ABCG2: variants seen among roughly 807,000 people sequenced by gnomAD.
ABCG2 encodes the protein broad substrate specificity ATP-binding cassette transporter ABCG2.
In ABCG2, 80 loss-of-function variants were observed where a neutral mutation model predicts 73.5. That is an observed-to-expected ratio of 1.09 (90% CI 0.91 to 1.31). ABCG2 has a LOEUF of 1.31. Among genes scored for constraint, ABCG2 ranks in the 50% most tolerant of loss-of-function variants. The pLI, the probability that ABCG2 is intolerant of heterozygous loss-of-function variation, is 0.00. For synonymous variants in ABCG2, 269 were observed against 282.4 expected, an observed-to-expected ratio of 0.95 and a Z score of 0.48; for missense variants, 796 against 786.2, an observed-to-expected ratio of 1.01 and a Z score of -0.15.
At chr4:88,191,680 C>T (rs1728700653) in intron 1 of ABCG2, among the ~76,000 whole-genome samples, 2 of 152,200 alleles carry the variant, frequency 1.3e-5, no homozygotes, top group South Asian at 4.2e-4. Flanking sequence ...TAGCATTATC[C>T]ATGGCAGCTA....
At chr4:88,145,151 A>G (rs1420970218) in intron 1 of ABCG2, among the ~76,000 whole-genome samples, 1 of 152,146 alleles carries the variant, frequency 6.6e-6, no homozygotes, top group Non-Finnish European at 1.5e-5. Flanking sequence ...TCATAGCCAT[A>G]GGGCATGCTG....
At chr4:88,194,584 A>AAAAAAAAAT (rs1728862461) in intron 1 of ABCG2, among the ~76,000 whole-genome samples, 1 of 127,662 alleles carries the variant, frequency 7.8e-6, no homozygotes, top group Non-Finnish European at 1.6e-5. Flanking sequence ...AAAAAAAAAA[A>AAAAAAAAAT]GTGTGGGTGC....
intron 1 of ABCG2, among the ~76,000 whole-genome samples, chr4:88,196,128 TG>T (rs1279197897): frequency 1.3e-5 from 2 of 152,134 alleles, no homozygotes; most frequent in Non-Finnish European, 2.9e-5. Flanking sequence ...ATTCCTGGGT[TG>T]GGGGTCGGGG....
At chr4:88,115,234 C>CTCTCTCTCTCTCTCTG (rs1723464889) in intron 7 of ABCG2, among the ~76,000 whole-genome samples, 176 bp from the exon 8 acceptor site, 1 of 45,856 alleles carries the variant, frequency 2.2e-5, no homozygotes, top group Non-Finnish European at 4.7e-5. Context: ...TATATTCAGT[C>CTCTCTCTCTCTCTCTG]TCTCTCTCTC....
rs182494680 is a variant in ABCG2, at chr4:88,149,347, C to T, written c.-20+9039G>A. Among the ~76,000 whole-genome samples the T allele has an allele frequency of 5.3e-5, 8 of 152,290 alleles. No individual in the cohort carries two copies. In the South Asian group the frequency reaches 1.0e-3, roughly 20 times the overall value. On this transcript the variant is annotated intron_variant, in intron 1 of 15. Transcript: ENST00000237612. ...AATTAGACCAAGTGCAATTTACATG[C>T]GTGTTACATCCCAAATTTTCTTAAT...
intron 9 of ABCG2, among the ~76,000 whole-genome samples, chr4:88,110,438 G>A (rs1723059023): frequency 6.6e-6 from 1 of 152,062 alleles, no homozygotes. Context: ...AGCTACTCGG[G>A]AGGCTGAGGC....
chr4:88,131,465 T>A (rs1195391553), intron 4 of ABCG2, among the ~76,000 whole-genome samples: 1 of 152,196 alleles, frequency 6.6e-6, no homozygotes, highest in African/African-American at 2.4e-5. Context: ...CCAGCAGACA[T>A]TTCCAAACTG....
chr4:88,176,180 A>G (rs1187765111), intron 1 of ABCG2, among the ~76,000 whole-genome samples: 10 of 148,206 alleles, frequency 6.7e-5, no homozygotes, highest in African/African-American at 1.0e-4. Flanking sequence ...TTTTTTGTGG[A>G]GACAGGGTCT....
chr4:88,099,063 C>T (rs1722195511), intron 12 of ABCG2, among the ~76,000 whole-genome samples: 1 of 152,136 alleles, frequency 6.6e-6, no homozygotes, highest in South Asian at 2.1e-4. Context: ...CACTGCACTC[C>T]AGCCTGGGTG....
chr4:88,220,990 T>A (rs900414354), intron 1 of ABCG2, among the ~76,000 whole-genome samples: 2 of 152,184 alleles, frequency 1.3e-5, no homozygotes, highest in African/African-American at 4.8e-5. Context: ...AGTCTCTGGC[T>A]GGGTACAGTG....
chr4:88,151,865 G>T (rs1368883554), intron 1 of ABCG2, among the ~76,000 whole-genome samples: 1 of 152,150 alleles, frequency 6.6e-6, no homozygotes, highest in African/African-American at 2.4e-5. Context: ...GAAGGAGCAT[G>T]TAATGTGTGT....
In ABCG2 at chr4:88,115,033, G is replaced by T. The variant is rs774397302; in HGVS notation, c.867C>A (p.Asn289Lys). The T allele has an allele frequency of 3.1e-6, 5 of 1,612,540 alleles. No individual in the cohort carries two copies. The highest frequency in any genetic ancestry group is 4.2e-6 in the Non-Finnish European group (5 of 1,178,990). The stretch of plus-strand genomic sequence containing the variant: ...TGATGTCCAAGAAGAAGTCTGCAGG[G>T]TTATTATAGGCCTCACAGTGATAAC... ...SAGYHCEAYN[N>K]PADFFLDIIN... Residue 289 changes from asparagine to lysine, a missense_variant, in exon 8 of 16, where the codon AAC becomes AAA. By Grantham distance (94) the Asn-to-Lys change is moderately conservative. Coordinates refer to ENST00000237612, the MANE Select transcript of ABCG2 (RefSeq NM_004827.3).
intron 1 of ABCG2, among the ~76,000 whole-genome samples, chr4:88,146,855 C>T (rs2725248): frequency 6.7e-6 from 1 of 148,530 alleles, no homozygotes; most frequent in East Asian, 2.0e-4. Flanking sequence ...TAAGCAACAG[C>T]GTAACCCTGT....
chr4:88,129,216 A>G (rs1301060320), intron 5 of ABCG2, among the ~76,000 whole-genome samples: 1 of 152,134 alleles, frequency 6.6e-6, no homozygotes, highest in Non-Finnish European at 1.5e-5. Context: ...GGCTCCCCAA[A>G]TTGACCCCAT....
intron 6 of ABCG2, among the ~76,000 whole-genome samples, chr4:88,120,424 C>T (rs781227783): frequency 2.6e-5 from 4 of 152,186 alleles, no homozygotes; most frequent in Non-Finnish European, 2.9e-5. Context: ...CACAGACACT[C>T]AATACCAGCC....
chr4:88,092,017 A>G lies in ABCG2; in HGVS notation c.*217T>C, dbSNP rs45566442. The G allele has an allele frequency of 6.6e-4, 296 of 446,342 alleles. 1 individual carries two copies. Among genetic ancestry groups the G allele is most frequent in the African/African-American group, 5.6e-3 (279 of 50,142 alleles). The allele number at this position is 446,342 out of a possible 1,614,324, so 27.6% of individuals were successfully genotyped here. A position where few individuals can be genotyped will look rare whatever the true frequency, so the allele number is the denominator to read the frequency against. On this transcript the variant is annotated 3_prime_UTR_variant, in exon 16 of 16. Transcript: ENST00000237612. Reference sequence around the variant, plus strand: ...ATTTCTTCCCCATGGTTACTGTCTGAGGAGATTAACTAATATGCGATACAT... The same window carrying G: ...ATTTCTTCCCCATGGTTACTGTCTGGGGAGATTAACTAATATGCGATACAT...
intron 1 of ABCG2, among the ~76,000 whole-genome samples, chr4:88,144,258 C>T (rs1473691858): frequency 6.6e-6 from 1 of 152,128 alleles, no homozygotes; most frequent in East Asian, 1.9e-4. Context: ...TTTACCTGAT[C>T]CCAGCCGATT....
At chr4:88,194,112 T>A (rs771182432) in intron 1 of ABCG2, among the ~76,000 whole-genome samples, 1 of 152,182 alleles carries the variant, frequency 6.6e-6, no homozygotes, top group African/African-American at 2.4e-5. Flanking sequence ...CACCTGACAT[T>A]TCATAGAAAC....
At chr4:88,176,714 G>A (rs1443860524) in intron 1 of ABCG2, among the ~76,000 whole-genome samples, 1 of 131,798 alleles carries the variant, frequency 7.6e-6, no homozygotes, top group East Asian at 2.3e-4. Flanking sequence ...GACTGGTCTT[G>A]AGCTCCTGGA....
Sources: allele counts gnomAD v4.1 joint callset (sites outside exome capture counted in the v4.1 genomes callset), GRCh38; gene constraint gnomAD v4.1.1; transcripts MANE v1.5; gene names NCBI Gene and HGNC (gene_info 2026-07-23, HGNC 2026-07-21).